The following RBFOX1 variants were observed in gnomAD, a reference collection of about 807,000 sequenced individuals.
RBFOX1 encodes RNA binding protein fox-1 homolog 1.
RBFOX1 carries 8 observed loss-of-function variants against 57.7 expected under a neutral mutation model. That is an observed-to-expected ratio of 0.14 (90% confidence interval 0.08 to 0.25). RBFOX1 has a LOEUF of 0.25. RBFOX1 is among the 10% of genes least tolerant of loss of function. The pLI is 1.00. For missense variants in RBFOX1, 611 were observed against 548.5 expected (o/e 1.11, Z -1.14); for synonymous variants, 326 against 222.4 (o/e 1.47, Z -4.15).
intron 1 of RBFOX1, among the ~76,000 whole-genome samples, chr16:6,229,041 G>A (rs1427627599): frequency 3.3e-5 from 5 of 151,998 alleles, no homozygotes; most frequent in Non-Finnish European, 2.9e-5. Context: ...GAGGACAGTG[G>A]GTGGATGAGA....
rs182360780 is a variant in RBFOX1, at chr16:5,952,384, C to A, written c.351+85049C>A. Among the ~76,000 whole-genome samples, 105 of 152,232 alleles carry A rather than the reference C, an allele frequency of 6.9e-4. 4 individuals are homozygous for A. Among genetic ancestry groups the A allele is most frequent in the Admixed American group, 6.9e-3 (105 of 15,292 alleles). Reference sequence around the variant, plus strand: ...CAGTCTGGTCTCAAATTCCTGACCTCAAGCGATCTGTCCACCTTGGCCTCC... The same window carrying A: ...CAGTCTGGTCTCAAATTCCTGACCTAAAGCGATCTGTCCACCTTGGCCTCC... On this transcript the variant is annotated intron_variant, in intron 4 of 19. Transcript: ENST00000641259.
At chr16:7,489,618 A>T (rs1183274332) in intron 4 of RBFOX1, among the ~76,000 whole-genome samples, 1 of 152,056 alleles carries the variant, frequency 6.6e-6, no homozygotes, top group African/African-American at 2.4e-5. Context: ...CGGACTCAAG[A>T]AATCCTCCAA....
intron 3 of RBFOX1, among the ~76,000 whole-genome samples, chr16:6,992,665 A>G (rs570177884): frequency 6.6e-6 from 1 of 152,256 alleles, no homozygotes; most frequent in East Asian, 1.9e-4. Flanking sequence ...AACTTCAACC[A>G]TATTCTGTTA....
chr16:6,315,994 C>G (rs1032676384), intron 1 of RBFOX1, among the ~76,000 whole-genome samples: 1 of 152,162 alleles, frequency 6.6e-6, no homozygotes, highest in Non-Finnish European at 1.5e-5. Flanking sequence ...CTAAACATAT[C>G]TGCAAATAAT....
At chr16:6,567,500 A>G (rs1269243197) in intron 2 of RBFOX1, among the ~76,000 whole-genome samples, 3 of 152,170 alleles carry the variant, frequency 2.0e-5, no homozygotes, top group African/African-American at 7.2e-5. Flanking sequence ...AGCCACAGAG[A>G]CAGTCACCCT....
At chr16:6,714,084 T>C (rs529175884) in intron 3 of RBFOX1, among the ~76,000 whole-genome samples, 7 of 152,288 alleles carry the variant, frequency 4.6e-5, no homozygotes, top group Admixed American at 1.3e-4. Context: ...ATTCTTGTGA[T>C]AGTAAGTGAA....
chr16:5,308,967 G>T (rs957087424), intron 1 of RBFOX1, among the ~76,000 whole-genome samples: 20 of 152,102 alleles, frequency 1.3e-4, no homozygotes, highest in Admixed American at 3.3e-4. Context: ...AAGACCTTGT[G>T]GGGTTCTTGA....
At chr16:5,675,892 G>C (rs889856887) in intron 3 of RBFOX1, among the ~76,000 whole-genome samples, 1 of 152,134 alleles carries the variant, frequency 6.6e-6, no homozygotes, top group Non-Finnish European at 1.5e-5. Context: ...TTGGGGTAAT[G>C]AGCTCTCATT....
intron 4 of RBFOX1, among the ~76,000 whole-genome samples, chr16:7,305,797 T>C (rs1161090316): frequency 6.6e-6 from 1 of 152,228 alleles, no homozygotes; most frequent in Non-Finnish European, 1.5e-5. Flanking sequence ...ACCAATTTGT[T>C]CTTTTAAATA....
intron 4 of RBFOX1, among the ~76,000 whole-genome samples, chr16:7,088,746 T>C (rs561703465): frequency 5.9e-5 from 9 of 152,344 alleles, no homozygotes; most frequent in Admixed American, 1.3e-4. Flanking sequence ...GAATTTCTTA[T>C]GCCAGTAACC....
intron 12 of RBFOX1, among the ~76,000 whole-genome samples, chr16:7,658,992 T>G (rs952678202): frequency 1.3e-5 from 2 of 152,230 alleles, no homozygotes; most frequent in East Asian, 1.9e-4. Flanking sequence ...CCCAAAGTGC[T>G]GGGATTACAG....
intron 4 of RBFOX1, among the ~76,000 whole-genome samples, chr16:7,456,758 G>A (rs889790131): frequency 6.6e-6 from 1 of 152,160 alleles, no homozygotes; most frequent in Non-Finnish European, 1.5e-5. Flanking sequence ...GTGCAAGCAG[G>A]CCTGCAGTGG....
chr16:5,752,009 A>T (rs2053225366), intron 3 of RBFOX1, among the ~76,000 whole-genome samples: 1 of 152,212 alleles, frequency 6.6e-6, no homozygotes, highest in Non-Finnish European at 1.5e-5. Context: ...AATAGCAAAG[A>T]CATGGAGTAA....
In RBFOX1 at chr16:6,914,491, C is replaced by G. The variant is rs144576979; in HGVS notation, c.-15-137566C>G. ...AGACCTAGGTGTCTCACCTCCACCT[C>G]CTACCTGAGCCACCTTTGATAAGTG... is the stretch of plus-strand genomic sequence containing the variant. On this transcript the variant is annotated intron_variant, in intron 3 of 15. Transcript: ENST00000550418. Among the ~76,000 whole-genome samples the G allele has an allele frequency of 3.8e-3, 578 of 152,190 alleles. 4 individuals carry two copies. Among genetic ancestry groups the G allele is most frequent in the Non-Finnish European group, 5.1e-3 (344 of 68,004 alleles).
At chr16:5,508,741 CTG>C (rs1319539470) in intron 2 of RBFOX1, among the ~76,000 whole-genome samples, 2 of 152,200 alleles carry the variant, frequency 1.3e-5, no homozygotes, top group Non-Finnish European at 2.9e-5. Flanking sequence ...ATTGCACAGA[CTG>C]TGACCACCAG....
At chr16:7,120,556 C>T (rs2012352574) in intron 4 of RBFOX1, among the ~76,000 whole-genome samples, 1 of 151,838 alleles carries the variant, frequency 6.6e-6, no homozygotes, top group Admixed American at 6.6e-5. Context: ...AATTCCTTGA[C>T]AACCATTACC....
At chr16:5,503,150 C>G (rs1053045385) in intron 2 of RBFOX1, among the ~76,000 whole-genome samples, 7 of 152,202 alleles carry the variant, frequency 4.6e-5, no homozygotes, top group African/African-American at 1.7e-4. Flanking sequence ...CTGCCATTGA[C>G]TGCTGTGTGA....
At chr16:7,519,674 G>A (rs935438622) in intron 5 of RBFOX1, 1 of 985,006 alleles carries the variant, frequency 1.0e-6, no homozygotes, top group Non-Finnish European at 1.2e-6. Flanking sequence ...TTAGAAGCTT[G>A]GGAACCCCAA....
intron 4 of RBFOX1, among the ~76,000 whole-genome samples, chr16:5,960,938 C>G (rs1269818597): frequency 6.6e-6 from 1 of 152,158 alleles, no homozygotes; most frequent in Non-Finnish European, 1.5e-5. Context: ...CAATTGTGGT[C>G]AAAGGCTCCC....
Sources: allele counts gnomAD v4.1 joint callset (sites outside exome capture counted in the v4.1 genomes callset), GRCh38; gene constraint gnomAD v4.1.1; transcripts MANE v1.5; gene names NCBI Gene and HGNC (gene_info 2026-07-23, HGNC 2026-07-21).